SLC38A6: variants seen among roughly 807,000 people sequenced by gnomAD.
SLC38A6 encodes the protein N system amino acid transporter NAT-1.
SLC38A6 carries 73 observed loss-of-function variants against 65.0 expected under a neutral mutation model. The ratio of observed to expected loss-of-function variants is 1.12; its 90% CI spans 0.93 to 1.37. SLC38A6 has a LOEUF of 1.37. Ranked by LOEUF, SLC38A6 falls within the 40% of genes most tolerant of loss-of-function variation. SLC38A6 has a pLI of 0.00. For synonymous variants in SLC38A6, 183 were observed against 178.8 expected (o/e 1.02, Z -0.19); for missense variants, 561 against 531.1 (o/e 1.06, Z -0.55).
chr14:61,026,706 A>T (rs1029317919), intron 5 of SLC38A6, among the ~76,000 whole-genome samples: 2 of 151,774 alleles, frequency 1.3e-5, no homozygotes, highest in African/African-American at 4.8e-5. Context: ...CATACTAGTT[A>T]ATAGAACGAG....
chr14:61,033,552 C>T (rs1180154295), intron 6 of SLC38A6, among the ~76,000 whole-genome samples: 2 of 152,056 alleles, frequency 1.3e-5, no homozygotes, highest in Admixed American at 6.6e-5. Context: ...TTCTGAAATG[C>T]TTATTTACAA....
At chr14:61,075,074 C>G (rs1331116890) in intron 15 of SLC38A6, among the ~76,000 whole-genome samples, 1 of 152,038 alleles carries the variant, frequency 6.6e-6, no homozygotes, top group East Asian at 1.9e-4. Context: ...AACCACTCTG[C>G]ATAAAAGAGA....
rs184716110 is a variant in SLC38A6 at position 60,994,741 on chromosome 14, C to T, written c.310+9938C>T. 2.0e-3 allele frequency among the ~76,000 whole-genome samples: 303 copies of T among 148,500 alleles called. 1 individual carries two copies. The highest frequency in any genetic ancestry group is 3.9e-3 in the Non-Finnish European group (263 of 67,338). Reference sequence around the variant, plus strand: ...AAAAAATACCCAGCATGGTGGCTCACGCCTGTACTCCCAGCACTTTGGGAG... The same window carrying T: ...AAAAAATACCCAGCATGGTGGCTCATGCCTGTACTCCCAGCACTTTGGGAG... On this transcript the variant is annotated intron_variant, in intron 3 of 15. Transcript: ENST00000267488.
chr14:61,032,218 T>A (rs2041043309), intron 6 of SLC38A6, among the ~76,000 whole-genome samples: 2 of 151,910 alleles, frequency 1.3e-5, no homozygotes, highest in Non-Finnish European at 2.9e-5. Flanking sequence ...TCACAAGTGT[T>A]TTCTTTTTTC....
intron 3 of SLC38A6, among the ~76,000 whole-genome samples, chr14:61,003,305 T>C (rs926956451): frequency 8.5e-5 from 13 of 152,138 alleles, no homozygotes; most frequent in African/African-American, 2.9e-4. Context: ...TAAAATAATA[T>C]GGGCATTTAA....
intron 3 of SLC38A6, among the ~76,000 whole-genome samples, chr14:60,990,037 CT>C (rs140660222): frequency 3.4e-5 from 5 of 148,972 alleles, no homozygotes; most frequent in South Asian, 2.1e-4. Context: ...CCCTTCTTTT[CT>C]TTTTTTTTTG....
In SLC38A6 at chr14:61,079,867, G is replaced by A. The variant is rs111521231; in HGVS notation, c.1408+940G>A. Among the ~76,000 whole-genome samples, 1,171 of 152,260 alleles carry A rather than the reference G, an allele frequency of 7.7e-3. 17 individuals carry two copies. Among genetic ancestry groups the A allele is most frequent in the African/African-American group, 0.027 (1,102 of 41,534 alleles). ...AGGATTTCTTTGAGGCTGAAATCCT[G>A]TGGGATCCATGGAATGGGAGTTTCA... On this transcript the variant is annotated intron_variant, in intron 16 of 16. Transcript: ENST00000354886.
At chr14:61,038,707 A>G (rs1396116846) in intron 8 of SLC38A6, among the ~76,000 whole-genome samples, 1 of 152,206 alleles carries the variant, frequency 6.6e-6, no homozygotes, top group African/African-American at 2.4e-5. Context: ...ATTTAAACAA[A>G]GTGGAAGTGA....
intron 3 of SLC38A6, among the ~76,000 whole-genome samples, chr14:61,007,581 G>A (rs967285582): frequency 3.3e-5 from 5 of 152,270 alleles, no homozygotes; most frequent in South Asian, 2.1e-4. Flanking sequence ...GTTCAAGGCT[G>A]CAGTGAGCTG....
In SLC38A6 at chr14:61,019,983, G is replaced by A. The variant is rs540835133; in HGVS notation, c.403+403G>A. 2.6e-5 allele frequency among the ~76,000 whole-genome samples: 4 copies of A among 152,228 alleles called. No individual in the cohort carries two copies. In the South Asian group the frequency reaches 6.2e-4, roughly 24 times the overall value. On this transcript the variant is annotated intron_variant, in intron 5 of 15. Transcript: ENST00000267488. ...TGTTCCGTGGGCTGTGAACAAGCAA[G>A]TATGGACAACAGTGTCCTCTTGTAA...
intron 15 of SLC38A6, among the ~76,000 whole-genome samples, chr14:61,065,325 T>G (rs796639778): frequency 1.6e-4 from 24 of 152,322 alleles, no homozygotes; most frequent in African/African-American, 4.8e-4. Context: ...TACCACAGCA[T>G]TTTTTAAACT....
chr14:61,022,953 GA>G (rs1490231555), intron 5 of SLC38A6, among the ~76,000 whole-genome samples: 1 of 152,092 alleles, frequency 6.6e-6, no homozygotes, highest in African/African-American at 2.4e-5. Context: ...GCAAATGTTT[GA>G]AAAATGTGAA....
At chr14:61,071,276 C>T (rs2043216543) in intron 15 of SLC38A6, among the ~76,000 whole-genome samples, 1 of 152,060 alleles carries the variant, frequency 6.6e-6, no homozygotes, top group Non-Finnish European at 1.5e-5. Context: ...TGTCATTTAG[C>T]ACATATATTA....
chr14:61,054,857 C>T (rs1171662707), downstream of SLC38A6, among the ~76,000 whole-genome samples: 2 of 152,096 alleles, frequency 1.3e-5, no homozygotes, highest in African/African-American at 4.8e-5. Context: ...TTCTTTCTTT[C>T]TCTTGCCTGA....
rs1299504956 is a variant in SLC38A6 at position 61,083,533 on chromosome 14, A to G, written c.1409-22A>G. The G allele has an allele frequency of 4.5e-6, 7 of 1,547,394 alleles. No homozygotes were observed. The Admixed American group carries it at 8.0e-5, about 18-fold the overall frequency. On this transcript the variant is annotated intron_variant, in intron 16 of 16. Coordinates refer to the SLC38A6 transcript ENST00000354886. ...GGCCATTAAGCCCTAATTCAATGTG[A>G]CTGGTGTTCTTGTAAGAAAAGGAAG...
intron 16 of SLC38A6, among the ~76,000 whole-genome samples, chr14:61,083,179 G>T (rs567469595): frequency 6.6e-6 from 1 of 152,188 alleles, no homozygotes; most frequent in Admixed American, 6.5e-5. Context: ...CAGCCAGAGA[G>T]CAGCACCAGT....
chr14:61,009,678 A>G (rs1250362205), intron 3 of SLC38A6, among the ~76,000 whole-genome samples: 1 of 152,058 alleles, frequency 6.6e-6, no homozygotes, highest in Non-Finnish European at 1.5e-5. Context: ...GATGGTTTCC[A>G]ATTTCATCCA....
intron 15 of SLC38A6, among the ~76,000 whole-genome samples, chr14:61,072,153 T>TTG (rs2043249889): frequency 6.6e-6 from 1 of 152,238 alleles, no homozygotes; most frequent in African/African-American, 2.4e-5. Flanking sequence ...AGGGGAGGAA[T>TTG]ACTGTTCCTC....
chr14:60,982,404 T>G, intron 1 of SLC38A6, 104 bp from the exon 2 acceptor site: 2 of 1,446,396 alleles, frequency 1.4e-6, no homozygotes, highest in Non-Finnish European at 1.9e-6. Context: ...CAAACCCTGG[T>G]GGTTTGCAGC....
Sources: allele counts gnomAD v4.1 joint callset (sites outside exome capture counted in the v4.1 genomes callset), GRCh38; gene constraint gnomAD v4.1.1; transcripts MANE v1.5; gene names NCBI Gene and HGNC (gene_info 2026-07-23, HGNC 2026-07-21).